Variants in GUCY2F observed in about 807,000 individuals in gnomAD.
The protein encoded by GUCY2F is retinal guanylyl cyclase 2.
GUCY2F carries 61 observed loss-of-function variants against 73.1 expected under a neutral mutation model. The ratio of observed to expected loss-of-function variants is 0.83; its 90% CI spans 0.68 to 1.03. GUCY2F has a LOEUF of 1.03. Ranked by LOEUF, GUCY2F falls within the 50% of genes least tolerant of loss-of-function variation. GUCY2F has a pLI of 0.00. For missense variants in GUCY2F, 912 were observed against 854.3 expected (o/e 1.07, Z -0.84); for synonymous variants, 331 against 307.8 (o/e 1.08, Z -0.79).
At chrX:109,447,951 A>G (rs1258455120) in intron 6 of GUCY2F, 118 bp downstream of exon 6, 2 of 353,140 alleles carry the variant, frequency 5.7e-6, no homozygotes, top group Non-Finnish European at 1.0e-5. Flanking sequence ...CCCACTGAGT[A>G]CTTTACTCTT....
In GUCY2F at chrX:109,426,482, G is replaced by A. The variant is rs771876797; in HGVS notation, c.1791+3825C>T. On this transcript the variant is annotated intron_variant, in intron 8 of 19. Coordinates refer to ENST00000218006, the MANE Select transcript of GUCY2F (RefSeq NM_001522.3). ...CGGCTCACTGCAAGCTCCGCCTCCC[G>A]GGTTCACGCCATTCTCCTGTCTCAG... is the stretch of plus-strand genomic sequence containing the variant. 2.4e-3 allele frequency among the ~76,000 whole-genome samples: 273 copies of A among 112,105 alleles called. 1 individual carries two copies. The highest frequency in any genetic ancestry group is 4.4e-3 in the Non-Finnish European group (235 of 53,120).
At chrX:109,388,374 G>C in intron 15 of GUCY2F, 115 bp downstream of exon 15, 1 of 589,994 alleles carries the variant, frequency 1.7e-6, no homozygotes, top group Non-Finnish European at 2.8e-6. Flanking sequence ...ATGCAGCCCG[G>C]ACACCTGGAT....
intron 15 of GUCY2F, among the ~76,000 whole-genome samples, chrX:109,385,758 A>T (rs1192645846): frequency 8.9e-6 from 1 of 112,431 alleles, no homozygotes; most frequent in East Asian, 2.8e-4. Context: ...AATAGAGCTG[A>T]CTTTCAATTA....
chrX:109,402,428 A>C (rs1930865436), intron 10 of GUCY2F, among the ~76,000 whole-genome samples: 2 of 106,125 alleles, frequency 1.9e-5, no homozygotes, highest in Non-Finnish European at 3.9e-5. Context: ...GCTGGAGTGC[A>C]GTGGCGCAGT....
At chrX:109,473,769 G>A (rs1932621472) in intron 2 of GUCY2F, among the ~76,000 whole-genome samples, 1 of 111,979 alleles carries the variant, frequency 8.9e-6, no homozygotes, top group African/African-American at 3.2e-5. Flanking sequence ...TCATTTCAAA[G>A]TATACAAATG....
chrX:109,453,819 A>C lies in GUCY2F; in HGVS notation c.1073T>G (p.Phe358Cys). Reference sequence around the variant, plus strand: ...AGCATTATTCATGGCTTGTGCGATAAAGTAAATTGAATTGTAGATGGTTCC... The same window carrying C: ...AGCATTATTCATGGCTTGTGCGATACAGTAAATTGAATTGTAGATGGTTCC... ...LFGTIYNSIY[F>C]IAQAMNNAMK... is the part of the protein sequence containing the mutation. The change falls in exon 4 of 20, where the codon TTT (phenylalanine) becomes TGT (cysteine). Residue 358 changes from phenylalanine to cysteine, a missense_variant. Transcript: ENST00000218006. 1 of 1,193,588 alleles carries C rather than the reference A, an allele frequency of 8.4e-7. No individual in the cohort carries two copies. Among genetic ancestry groups the C allele is most frequent in the Non-Finnish European group, 1.1e-6 (1 of 882,898 alleles).
intron 8 of GUCY2F, among the ~76,000 whole-genome samples, chrX:109,412,530 T>C (rs1040329247): frequency 2.7e-5 from 3 of 112,172 alleles, no homozygotes; most frequent in East Asian, 5.6e-4. Flanking sequence ...AACAGCAAAA[T>C]AGGCATTGCT....
intron 8 of GUCY2F, among the ~76,000 whole-genome samples, chrX:109,413,507 C>A (rs1603381261): frequency 9.1e-6 from 1 of 109,619 alleles, no homozygotes; most frequent in Admixed American, 9.7e-5. Flanking sequence ...CAGGTTCAAG[C>A]GATTCTCCTG....
At chrX:109,390,648 C>A (rs974740477) in intron 14 of GUCY2F, among the ~76,000 whole-genome samples, 1 of 112,821 alleles carries the variant, frequency 8.9e-6, no homozygotes, top group Non-Finnish European at 1.9e-5. Flanking sequence ...TTGATTAAAC[C>A]AGTAGCTGTG....
At chrX:109,428,095 T>C (rs1390265001) in intron 8 of GUCY2F, among the ~76,000 whole-genome samples, 1 of 112,255 alleles carries the variant, frequency 8.9e-6, no homozygotes, top group Admixed American at 9.4e-5. Flanking sequence ...AACCAGTAAA[T>C]GCAGAAACAA....
At chrX:109,480,317 A>G (rs757678245) in intron 1 of GUCY2F, among the ~76,000 whole-genome samples, 6 of 111,798 alleles carry the variant, frequency 5.4e-5, no homozygotes, top group Non-Finnish European at 1.1e-4. Context: ...ACTTTCCTGT[A>G]TTCCTCCCCA....
intron 8 of GUCY2F, among the ~76,000 whole-genome samples, chrX:109,418,594 A>G (rs188952800): frequency 1.8e-5 from 2 of 112,066 alleles, no homozygotes; most frequent in African/African-American, 6.4e-5. Flanking sequence ...AATTACTTCA[A>G]GCTGAAAGGT....
At chrX:109,406,641 A>G (rs1206061593) in intron 9 of GUCY2F, among the ~76,000 whole-genome samples, 1 of 111,377 alleles carries the variant, frequency 9.0e-6, no homozygotes, top group Non-Finnish European at 1.9e-5. Flanking sequence ...TCCCACCCAC[A>G]TCTCAACTTG....
chrX:109,457,231 A>G (rs1005200158), intron 3 of GUCY2F, among the ~76,000 whole-genome samples: 1 of 112,329 alleles, frequency 8.9e-6, no homozygotes, highest in Non-Finnish European at 1.9e-5. Flanking sequence ...GGTCTGGATC[A>G]GGAACAGTAA....
In GUCY2F at chrX:109,476,492, A is replaced by C. The variant is rs369397466; in HGVS notation, c.-85-471T>G. ...GGAGAGAAATAGATGTAAACAGATA[A>C]TAACAATGCAGAGTAAAAAGTGCTA... On this transcript the variant is annotated intron_variant, in intron 1 of 19. Coordinates refer to ENST00000218006, the MANE Select transcript of GUCY2F (RefSeq NM_001522.3). Among the ~76,000 whole-genome samples the C allele has an allele frequency of 1.8e-4, 20 of 111,714 alleles. 3 individuals are homozygous for C. The highest frequency in any genetic ancestry group is 1.7e-3 in the East Asian group (6 of 3,578).
intron 9 of GUCY2F, among the ~76,000 whole-genome samples, chrX:109,408,157 C>G (rs1470887224): frequency 8.9e-6 from 1 of 112,622 alleles, no homozygotes; most frequent in African/African-American, 3.2e-5. Context: ...GAACCCACTT[C>G]TTGCATCAGC....
intron 1 of GUCY2F, among the ~76,000 whole-genome samples, chrX:109,478,352 G>C (rs1932736913): frequency 8.9e-6 from 1 of 112,201 alleles, no homozygotes; most frequent in African/African-American, 3.2e-5. Flanking sequence ...CACTCATCTG[G>C]AGTAATATGG....
At chrX:109,381,305 G>T (rs763714024) in intron 17 of GUCY2F, among the ~76,000 whole-genome samples, 7 of 111,888 alleles carry the variant, frequency 6.3e-5, no homozygotes, top group Middle Eastern at 4.6e-3. Context: ...TCATGGAAAG[G>T]TCACTAAAAA....
At chrX:109,448,212 G>C (rs768914473) in intron 5 of GUCY2F, 47 bp from the exon 6 acceptor site, 2 of 644,159 alleles carry the variant, frequency 3.1e-6, no homozygotes, top group Middle Eastern at 3.0e-4. Context: ...TGGGTGTTTT[G>C]GCAAAGCCAG....
Sources: gnomAD v4.1 joint callset for allele counts (sites outside exome capture counted in the v4.1 genomes callset) on GRCh38, gnomAD v4.1.1 for gene constraint, MANE v1.5 for transcripts, NCBI Gene and HGNC (gene_info 2026-07-23, HGNC 2026-07-21) for gene names.